ADAMTS17: variants seen among roughly 807,000 people sequenced by gnomAD.
ADAMTS17 encodes the protein A disintegrin and metalloproteinase with thrombospondin motifs 17.
ADAMTS17 carries 113 observed loss-of-function variants against 141.5 expected under a neutral mutation model. The observed-to-expected ratio is 0.80, with a 90% CI of 0.69 to 0.93. The LOEUF (loss-of-function observed/expected upper bound fraction) is 0.93. Among genes scored for constraint, ADAMTS17 ranks in the 40% least tolerant of loss-of-function variants. The pLI is 0.00. For missense variants in ADAMTS17, 1,659 were observed against 1,517.9 expected, an observed-to-expected ratio of 1.09 and a Z score of -1.54; for synonymous variants, 768 against 630.6, an observed-to-expected ratio of 1.22 and a Z score of -3.27.
At chr15:99,990,122 A>G (rs139535923) in intron 20 of ADAMTS17, among the ~76,000 whole-genome samples, 1 of 152,292 alleles carries the variant, frequency 6.6e-6, no homozygotes, top group Admixed American at 6.5e-5. Context: ...TGTAGCTTCG[A>G]CTTCCCTGGC....
intron 10 of ADAMTS17, among the ~76,000 whole-genome samples, chr15:100,145,304 TG>T (rs1275212180): frequency 6.6e-6 from 1 of 152,194 alleles, no homozygotes; most frequent in Non-Finnish European, 1.5e-5. Flanking sequence ...TACATATGAA[TG>T]GGGTTAAGAG....
At chr15:100,229,236 T>C (rs975822865) in intron 7 of ADAMTS17, among the ~76,000 whole-genome samples, 4 of 152,130 alleles carry the variant, frequency 2.6e-5, no homozygotes, top group South Asian at 4.1e-4. Flanking sequence ...GACGCAAAGA[T>C]GGTTTCAGGC....
chr15:100,207,346 C>T lies in ADAMTS17; in HGVS notation c.1076-7923G>A, dbSNP rs181598621. Among the ~76,000 whole-genome samples the T allele has an allele frequency of 7.8e-3, 1,190 of 152,222 alleles. 4 individuals are homozygous for T. The highest frequency in any genetic ancestry group is 0.012 in the Admixed American group (178 of 15,298). On this transcript the variant is annotated intron_variant, in intron 7 of 21. Transcript: ENST00000268070. The stretch of plus-strand genomic sequence containing the variant: ...ACTGCGGAGTTCCAGCTTCCAGACC[C>T]ATAAGGAATAACTGTGTGCTGTGTA...
intron 3 of ADAMTS17, among the ~76,000 whole-genome samples, chr15:100,283,198 G>T (rs372821830): frequency 6.6e-6 from 1 of 152,166 alleles, no homozygotes; most frequent in Non-Finnish European, 1.5e-5. Flanking sequence ...CCTGCAGGAT[G>T]GGCCTCCTCC....
chr15:100,058,242 T>TAACACCCCATATCCC (rs2032786130), intron 15 of ADAMTS17, among the ~76,000 whole-genome samples: 1 of 29,964 alleles, frequency 3.3e-5, no homozygotes, highest in Non-Finnish European at 8.3e-5. Flanking sequence ...ATCCCAGCTC[T>TAACACCCCATATCCC]GACCCTCCTA....
chr15:100,301,742 A>T (rs2045045931), intron 3 of ADAMTS17, among the ~76,000 whole-genome samples: 2 of 152,156 alleles, frequency 1.3e-5, no homozygotes, highest in South Asian at 4.1e-4. Context: ...CAGTTTTCTG[A>T]TTATCGAAGT....
intron 20 of ADAMTS17, among the ~76,000 whole-genome samples, chr15:99,990,090 C>G (rs2141318111): frequency 6.6e-6 from 1 of 152,338 alleles, no homozygotes; most frequent in African/African-American, 2.4e-5. Context: ...AGCTGGAGTG[C>G]AGTGGTGCAA....
At chr15:100,051,230 C>G (rs1196447339) in intron 17 of ADAMTS17, among the ~76,000 whole-genome samples, 2 of 152,170 alleles carry the variant, frequency 1.3e-5, no homozygotes, top group African/African-American at 4.8e-5. Context: ...TGGTGCCCCT[C>G]CAGCAAGCAG....
chr15:100,265,559 G>T (rs999277346), intron 4 of ADAMTS17, among the ~76,000 whole-genome samples: 7 of 152,196 alleles, frequency 4.6e-5, no homozygotes, highest in African/African-American at 1.4e-4. Context: ...CTCTGGCTAG[G>T]CAATGTAGGG....
intron 18 of ADAMTS17, among the ~76,000 whole-genome samples, chr15:100,021,897 A>C (rs1375647172): frequency 1.3e-5 from 2 of 151,786 alleles, no homozygotes; most frequent in Non-Finnish European, 2.9e-5. Flanking sequence ...GGCCAATGTC[A>C]AGCGCCTGCT....
intron 10 of ADAMTS17, among the ~76,000 whole-genome samples, chr15:100,135,396 G>A (rs536476643): frequency 4.2e-4 from 63 of 151,324 alleles, no homozygotes; most frequent in Non-Finnish European, 6.9e-4. Flanking sequence ...CCATTCTCCT[G>A]CCTCAGCCTT....
chr15:100,315,027 G>A (rs984687362), intron 3 of ADAMTS17, among the ~76,000 whole-genome samples: 1 of 152,224 alleles, frequency 6.6e-6, no homozygotes, highest in Non-Finnish European at 1.5e-5. Flanking sequence ...GGACAAGGGG[G>A]CAAACCCCGC....
chr15:100,088,570 C>T (rs574344951), intron 15 of ADAMTS17, among the ~76,000 whole-genome samples: 21 of 152,198 alleles, frequency 1.4e-4, no homozygotes, highest in African/African-American at 5.1e-4. Flanking sequence ...GGAGGCATCA[C>T]ACTACCTGAC....
intron 7 of ADAMTS17, among the ~76,000 whole-genome samples, chr15:100,240,231 G>C (rs1374181826): frequency 2.6e-5 from 4 of 152,204 alleles, no homozygotes; most frequent in African/African-American, 9.6e-5. Flanking sequence ...CCAGAGACCA[G>C]AGCTGCAGGC....
At chr15:100,321,992 A>T (rs1198740415) in intron 3 of ADAMTS17, among the ~76,000 whole-genome samples, 1 of 152,246 alleles carries the variant, frequency 6.6e-6, no homozygotes, top group Non-Finnish European at 1.5e-5. Flanking sequence ...ACTACCAGTA[A>T]ATCAATGACA....
chr15:100,198,915 T>C (rs2041218967), intron 8 of ADAMTS17, among the ~76,000 whole-genome samples: 1 of 152,208 alleles, frequency 6.6e-6, no homozygotes, highest in African/African-American at 2.4e-5. Flanking sequence ...AATCAGAAAG[T>C]TGGACTTTAG....
chr15:100,171,165 A>T (rs1338222250), intron 8 of ADAMTS17, among the ~76,000 whole-genome samples: 1 of 152,084 alleles, frequency 6.6e-6, no homozygotes, highest in Non-Finnish European at 1.5e-5. Context: ...CAGTTGAGAG[A>T]GCCTGCTGCC....
intron 7 of ADAMTS17, among the ~76,000 whole-genome samples, chr15:100,222,355 G>T (rs73479372): frequency 0.19 from 28,590 of 152,122 alleles, 2,897 homozygotes; most frequent in East Asian, 0.27. Context: ...GCCAGCCCAC[G>T]TAGATGAAAG....
chr15:100,341,269 C>G lies in ADAMTS17; in HGVS notation c.220G>C (p.Ala74Pro). Reference protein sequence around the residue: ...RPRTPPAAPRARPGERALLLH... With the variant: ...RPRTPPAAPRPRPGERALLLH... Reference sequence around the variant, plus strand: ...AGCAGGGCGCGCTCTCCGGGCCGGGCGCGCGGGGCGGCTGGGGGCGTGCGG... The same window carrying G: ...AGCAGGGCGCGCTCTCCGGGCCGGGGGCGCGGGGCGGCTGGGGGCGTGCGG... The change falls in exon 2 of 22, where the codon GCC becomes CCC. Residue 74 changes from alanine (A) to proline (P), a missense_variant. Transcript: ENST00000268070. 2 of 1,260,764 alleles carry G rather than the reference C, an allele frequency of 1.6e-6. No individual in the cohort carries two copies. The highest frequency in any genetic ancestry group is 1.6e-5 in the African/African-American group (1 of 63,384). The allele number at this position is 1,260,764 out of a possible 1,614,324, so 78.1% of individuals were successfully genotyped here.
Sources: allele counts gnomAD v4.1 joint callset (sites outside exome capture counted in the v4.1 genomes callset), GRCh38; gene constraint gnomAD v4.1.1; transcripts MANE v1.5; gene names NCBI Gene and HGNC (gene_info 2026-07-23, HGNC 2026-07-21).